RAPH1: variants seen among roughly 807,000 people sequenced by gnomAD.
The protein encoded by RAPH1 is ras-associated and pleckstrin homology domains-containing protein 1.
Under a neutral mutation model 88.1 loss-of-function variants are expected in RAPH1, and 18 were observed. That is an observed-to-expected ratio of 0.20 (90% confidence interval 0.14 to 0.30). The LOEUF (loss-of-function observed/expected upper bound fraction) is 0.30, where lower values mean the gene tolerates loss of function less well. RAPH1 is among the 10% of genes least tolerant of loss of function. RAPH1 has a pLI of 1.00. For synonymous variants in RAPH1, 587 were observed against 559.0 expected (o/e 1.05, Z -0.71); for missense variants, 1,448 against 1,543.2 (o/e 0.94, Z 1.03).
At position 203,440,834 on chromosome 2, in the gene RAPH1, G is replaced by C. The variant is rs372748969; in HGVS notation, c.2356C>G (p.Pro786Ala). 2.5e-6 allele frequency: 4 copies of C among 1,584,718 alleles called. No homozygotes were observed. The highest frequency in any genetic ancestry group is 1.7e-6 in the Non-Finnish European group (2 of 1,164,530). ...QAPPKPLVTI[P>A]APTSTKTVAP... ...ACAGTCTTGGTGCTGGTTGGTGCGG[G>C]GATGGTCACAAGGGGTTTTGGGGGA... is the stretch of plus-strand genomic sequence containing the variant. Residue 786 changes from proline (P) to alanine (A), a missense_variant, in exon 14 of 14, where the codon CCC becomes GCC. Around this residue, in one of 2 missense-constraint regions of RAPH1, gnomAD observed 935 missense variants for 890.1 expected, o/e 1.05. Coordinates refer to ENST00000319170, the MANE Select transcript of RAPH1 (RefSeq NM_213589.3).
upstream of RAPH1, chr2:203,535,301 G>GA (rs1690573346): frequency 1.4e-5 from 2 of 142,396 alleles, no homozygotes; most frequent in African/African-American, 5.2e-5. Flanking sequence ...TGACTGACTG[G>GA]CGGGCGGCGG....
At chr2:203,513,211 G>C (rs1292043691) in intron 1 of RAPH1, among the ~76,000 whole-genome samples, 1 of 145,566 alleles carries the variant, frequency 6.9e-6, no homozygotes, top group Non-Finnish European at 1.5e-5. Context: ...CAGAAAAATG[G>C]GGGGGGGAAT....
At position 203,461,945 on chromosome 2, in the gene RAPH1, C is replaced by T; in HGVS notation, c.733-20G>A. 6.3e-7 allele frequency: 1 copy of T among 1,590,020 alleles called. No individual in the cohort carries two copies. The highest frequency in any genetic ancestry group is 1.3e-5 in the African/African-American group (1 of 74,392). On this transcript the variant is annotated intron_variant, in intron 4 of 13. Transcript: ENST00000319170. Reference sequence around the variant, plus strand: ...TTCTTCCTGTGAACACAAAGCATTTCAGATAAACAATGCTAAGATGATGAA... The same window carrying T: ...TTCTTCCTGTGAACACAAAGCATTTTAGATAAACAATGCTAAGATGATGAA...
intron 12 of RAPH1, chr2:203,447,478 A>G (rs1250761836): frequency 6.6e-6 from 1 of 152,402 alleles, no homozygotes; most frequent in African/African-American, 2.4e-5. Context: ...CAATGCAAAA[A>G]TTTAAAAATT....
intron 1 of RAPH1, among the ~76,000 whole-genome samples, chr2:203,508,222 A>T (rs1163322547): frequency 1.0e-5 from 1 of 96,864 alleles, no homozygotes; most frequent in African/African-American, 5.5e-5. Context: ...ACTCTGTCTC[A>T]AAAAAAAAAA....
At chr2:203,471,613 A>AG (rs1158417441) in intron 4 of RAPH1, among the ~76,000 whole-genome samples, 1 of 152,148 alleles carries the variant, frequency 6.6e-6, no homozygotes, top group East Asian at 1.9e-4. Context: ...TCTTGTCTCA[A>AG]GAAAAAAAAA....
chr2:203,460,988 C>T (rs370024781), intron 6 of RAPH1, among the ~76,000 whole-genome samples: 2 of 151,854 alleles, frequency 1.3e-5, no homozygotes, highest in South Asian at 2.1e-4. Flanking sequence ...TGGTGGTGCA[C>T]GCCTGTAGTC....
chr2:203,445,077 G>T, intron 12 of RAPH1, 67 bp from the exon 13 acceptor site: 2 of 1,426,890 alleles, frequency 1.4e-6, no homozygotes, highest in Non-Finnish European at 1.9e-6. Context: ...TCATATGTAT[G>T]TCTAGTTAGA....
At chr2:203,458,984 G>C (rs1004711878) in intron 7 of RAPH1, among the ~76,000 whole-genome samples, 2 of 151,924 alleles carry the variant, frequency 1.3e-5, no homozygotes, top group African/African-American at 4.8e-5. Context: ...GGATGGTCTC[G>C]ATCTCCTGAC....
At chr2:203,491,947 G>A (rs1469177517) in intron 2 of RAPH1, among the ~76,000 whole-genome samples, 4 of 152,168 alleles carry the variant, frequency 2.6e-5, no homozygotes, top group Admixed American at 1.3e-4. Flanking sequence ...GACATGGTAA[G>A]CTAAGAAATA....
At position 203,438,165 on chromosome 2, in the gene RAPH1, C is replaced by G; in HGVS notation, c.*1272G>C. ...GTAACCTGAACTAATCACAACCAGG[C>G]TGCAGTCAGCAAGGGTCCTGGTAGC... On this transcript the variant is annotated 3_prime_UTR_variant, in exon 14 of 14. Coordinates refer to ENST00000319170, the MANE Select transcript of RAPH1 (RefSeq NM_213589.3). 1 of 518,828 alleles carries G rather than the reference C, an allele frequency of 1.9e-6. No homozygotes were observed. Among genetic ancestry groups the G allele is most frequent in the South Asian group, 1.4e-5 (1 of 71,480 alleles). The allele number at this position is 518,828 out of a possible 1,614,324, so 32.1% of individuals were successfully genotyped here.
intron 4 of RAPH1, among the ~76,000 whole-genome samples, chr2:203,462,414 C>T (rs972530561): frequency 6.6e-6 from 1 of 152,156 alleles, no homozygotes; most frequent in South Asian, 2.1e-4. Context: ...ACAATACCTA[C>T]CTGTTTACAA....
chr2:203,529,881 T>C (rs1690312926), intron 1 of RAPH1, among the ~76,000 whole-genome samples: 3 of 152,298 alleles, frequency 2.0e-5, no homozygotes, highest in Middle Eastern at 3.4e-3. Flanking sequence ...ACTTTATCTG[T>C]TCACCCATTT....
chr2:203,462,200 AT>A (rs1207591313), intron 4 of RAPH1, among the ~76,000 whole-genome samples: 1 of 152,258 alleles, frequency 6.6e-6, no homozygotes, highest in Non-Finnish European at 1.5e-5. Flanking sequence ...ACCAAGTTTG[AT>A]TCTGTCAATG....
chr2:203,441,073 T>C lies in RAPH1; in HGVS notation c.2117A>G (p.Asn706Ser), dbSNP rs1291006607. ...GGGAGGGGGTGGTGGAACAACTCCA[T>C]TGGGGGGTACCAGGATCTGAGGCTT... ...SVKPQILVPP[N>S]GVVPPPPPPP... is the part of the protein sequence containing the mutation. Residue 706 changes from asparagine (N) to serine (S), a missense_variant, in exon 14 of 14, where the codon AAT (asparagine) becomes AGT (serine). Asn to Ser is a conservative substitution (Grantham distance 46, BLOSUM62 1). Around this residue, in one of 2 missense-constraint regions of RAPH1, gnomAD observed 935 missense variants for 890.1 expected, o/e 1.05. Transcript: ENST00000319170. The C allele has an allele frequency of 3.0e-6, 4 of 1,313,454 alleles. No homozygotes were observed. Among genetic ancestry groups the C allele is most frequent in the East Asian group, 4.0e-5 (1 of 24,890 alleles). 81.4% of individuals were successfully genotyped at this position (1,313,454 alleles called of 1,614,324 possible). A position where few individuals can be genotyped will look rare whatever the true frequency, so the allele number is the denominator to read the frequency against.
At chr2:203,530,341 T>G (rs1690334348) in intron 1 of RAPH1, among the ~76,000 whole-genome samples, 1 of 152,198 alleles carries the variant, frequency 6.6e-6, no homozygotes, top group Non-Finnish European at 1.5e-5. Flanking sequence ...TATTGTAAAC[T>G]CAAATAAAGA....
chr2:203,464,560 C>T (rs1214443556), intron 4 of RAPH1, among the ~76,000 whole-genome samples: 1 of 152,234 alleles, frequency 6.6e-6, no homozygotes, highest in Admixed American at 6.5e-5. Context: ...CATGAGCCAC[C>T]ATGCCCAGCC....
chr2:203,501,364 C>T (rs1379558665), intron 1 of RAPH1, among the ~76,000 whole-genome samples: 3 of 152,314 alleles, frequency 2.0e-5, no homozygotes, highest in African/African-American at 7.2e-5. Context: ...CCTACAACTA[C>T]ACTATTTTAA....
At chr2:203,478,563 CACT>C (rs2105774134) in intron 4 of RAPH1, among the ~76,000 whole-genome samples, 1 of 152,130 alleles carries the variant, frequency 6.6e-6, no homozygotes, top group East Asian at 1.9e-4. Context: ...GATCTCAGCT[CACT>C]GCAACCTCTG....
Sources: gnomAD v4.1 joint callset for allele counts (sites outside exome capture counted in the v4.1 genomes callset) on GRCh38, gnomAD v4.1.1 for gene constraint, gnomAD v4.1.1 regional missense constraint, MANE v1.5 for transcripts, NCBI Gene and HGNC (gene_info 2026-07-23, HGNC 2026-07-21) for gene names.